Variants in ZNF415 observed in about 807,000 individuals in gnomAD.
ZNF415 encodes the protein zinc finger protein 415.
A neutral mutation model predicts 7.3 loss-of-function variants in ZNF415; 5 were observed. The ratio of observed to expected loss-of-function variants is 0.69; its 90% CI spans 0.36 to 1.44. ZNF415 has a LOEUF of 1.44. Among genes scored for constraint, ZNF415 ranks in the 40% most tolerant of loss-of-function variants. ZNF415 has a pLI of 0.04. For synonymous variants in ZNF415, 207 were observed against 226.3 expected (o/e 0.91, Z 0.77); for missense variants, 628 against 664.8 (o/e 0.94, Z 0.61).
chr19:53,129,593 G>C (rs1051055901), intron 1 of ZNF415: 12 of 399,996 alleles, frequency 3.0e-5, no homozygotes, highest in Non-Finnish European at 5.3e-5. Flanking sequence ...AGGTTTTCTG[G>C]TCTAGTCCCT....
In ZNF415 at chr19:53,115,993, G is replaced by A. The variant is rs185825631; in HGVS notation, c.136+320C>T. 462 of 625,800 alleles carry A rather than the reference G, an allele frequency of 7.4e-4. 4 individuals carry two copies. In the African/African-American group the frequency reaches 7.9e-3, roughly 11 times the overall value. 38.8% of individuals were successfully genotyped at this position (625,800 alleles called of 1,614,324 possible). A position where few individuals can be genotyped will look rare whatever the true frequency, so the allele number is the denominator to read the frequency against. On this transcript the variant is annotated intron_variant, in intron 3 of 3. Coordinates refer to ENST00000243643, the MANE Select transcript of ZNF415 (RefSeq NM_018355.4). Reference sequence around the variant, plus strand: ...GAATGCTTAGGGAAGACTGTAATATGCAAATATCTAGCTCCCTTCCAAGAA... The same window carrying A: ...GAATGCTTAGGGAAGACTGTAATATACAAATATCTAGCTCCCTTCCAAGAA...
At position 53,127,747 on chromosome 19, in the gene ZNF415, C is replaced by T. The variant is rs139247511; in HGVS notation, c.-67-5004G>A. 5.0e-3 allele frequency among the ~76,000 whole-genome samples: 757 copies of T among 151,856 alleles called. 4 individuals are homozygous for T. Among genetic ancestry groups the T allele is most frequent in the African/African-American group, 0.017 (722 of 41,396 alleles). On this transcript the variant is annotated intron_variant, in intron 1 of 3. Transcript: ENST00000243643. Reference sequence around the variant, plus strand: ...CAAAAATTAGCTGGGTGTGGTGGCGCGTGCCTGTAGCCCCAGCTACTCGGG... The same window carrying T: ...CAAAAATTAGCTGGGTGTGGTGGCGTGTGCCTGTAGCCCCAGCTACTCGGG...
rs546054050 is a variant in ZNF415, at chr19:53,114,235, G to A, written c.136+2078C>T. ...TCTGTTACTCAGGCTGTAGTGCAGCGGTGCCATCTCAGCTCACTGCAACCT... is the reference window on the plus strand; with the variant it reads ...TCTGTTACTCAGGCTGTAGTGCAGCAGTGCCATCTCAGCTCACTGCAACCT... On this transcript the variant is annotated intron_variant, in intron 3 of 3. Transcript: ENST00000243643. Among the ~76,000 whole-genome samples the A allele has an allele frequency of 2.5e-4, 38 of 152,156 alleles. No individual in the cohort carries two copies. The South Asian group carries it at 6.2e-3, about 25-fold the overall frequency.
In ZNF415 at chr19:53,109,123, C is replaced by A. The variant is rs765315373; in HGVS notation, c.922G>T (p.Val308Phe). Residue 308 changes from valine to phenylalanine, a missense_variant, in exon 4 of 4, where the codon GTC becomes TTC. Coordinates refer to ENST00000243643, the MANE Select transcript of ZNF415 (RefSeq NM_018355.4). ...KPYKCYECDKVFSRNSCLALH... is the reference protein window; with the variant it reads ...KPYKCYECDKFFSRNSCLALH... Reference sequence around the variant, plus strand: ...GCAAGGCATGAATTTCGACTGAAGACCTTGTCACACTCATAACATTTGTAA... The same window carrying A: ...GCAAGGCATGAATTTCGACTGAAGAACTTGTCACACTCATAACATTTGTAA... 2 of 1,613,882 alleles carry A rather than the reference C, an allele frequency of 1.2e-6. No individual in the cohort carries two copies. The highest frequency in any genetic ancestry group is 2.2e-5 in the South Asian group (2 of 91,090).
chr19:53,129,045 G>C (rs377295327), intron 1 of ZNF415, among the ~76,000 whole-genome samples: 4 of 152,222 alleles, frequency 2.6e-5, no homozygotes, highest in African/African-American at 9.6e-5. Flanking sequence ...ATTTCAGATG[G>C]GGGTGGGAGG....
At chr19:53,116,187 T>G in intron 3 of ZNF415, 126 bp downstream of exon 3, 1 of 1,145,106 alleles carries the variant, frequency 8.7e-7, no homozygotes, top group South Asian at 1.5e-5. Context: ...TTATGGAGCT[T>G]TTCATTTCAG....
chr19:53,132,524 C>CT (rs2090221421), intron 1 of ZNF415, among the ~76,000 whole-genome samples: 2 of 152,172 alleles, frequency 1.3e-5, no homozygotes, highest in Non-Finnish European at 2.9e-5. Flanking sequence ...GCTGCAGCTG[C>CT]GGCGCTGCGC....
chr19:53,108,254 G>T lies in ZNF415; in HGVS notation c.*123C>A. Reference sequence around the variant, plus strand: ...TCTCTCAAGAATGAAATTCTCTGATGCTGTGTAGGAGTGAATTGTGACTGA... The same window carrying T: ...TCTCTCAAGAATGAAATTCTCTGATTCTGTGTAGGAGTGAATTGTGACTGA... On this transcript the variant is annotated 3_prime_UTR_variant, in exon 4 of 4. Coordinates refer to ENST00000243643, the MANE Select transcript of ZNF415 (RefSeq NM_018355.4). 1.1e-6 allele frequency: 1 copy of T among 871,058 alleles called. No homozygotes were observed. The highest frequency in any genetic ancestry group is 1.7e-6 in the Non-Finnish European group (1 of 584,000). 54.0% of individuals were successfully genotyped at this position (871,058 alleles called of 1,614,324 possible). A position where few individuals can be genotyped will look rare whatever the true frequency, so the allele number is the denominator to read the frequency against.
chr19:53,121,405 C>T (rs922095028), intron 2 of ZNF415, among the ~76,000 whole-genome samples: 1 of 151,550 alleles, frequency 6.6e-6, no homozygotes, highest in African/African-American at 2.4e-5. Context: ...AAAAAAAGTC[C>T]TACAATTATA....
At chr19:53,127,339 C>T (rs1280631501) in intron 1 of ZNF415, among the ~76,000 whole-genome samples, 1 of 152,120 alleles carries the variant, frequency 6.6e-6, no homozygotes, top group Non-Finnish European at 1.5e-5. Flanking sequence ...TTTATAGAAG[C>T]CCGGCTACGA....
chr19:53,130,943 C>T (rs898157291), intron 1 of ZNF415, among the ~76,000 whole-genome samples: 3 of 152,108 alleles, frequency 2.0e-5, no homozygotes, highest in African/African-American at 7.2e-5. Context: ...CATGCCCAGC[C>T]TCAACACTTT....
intron 1 of ZNF415, among the ~76,000 whole-genome samples, chr19:53,130,066 CAAAAA>C (rs11314090): frequency 8.1e-6 from 1 of 123,454 alleles, no homozygotes. Context: ...CTCCAGCTCA[CAAAAA>C]AAAAAAAAAA....
At chr19:53,118,043 A>G (rs1168670933) in intron 2 of ZNF415, among the ~76,000 whole-genome samples, 2 of 152,170 alleles carry the variant, frequency 1.3e-5, no homozygotes, top group Non-Finnish European at 2.9e-5. Context: ...GTGTAACCCA[A>G]CTATATGCTA....
chr19:53,126,207 GA>G (rs2089067988), intron 1 of ZNF415, among the ~76,000 whole-genome samples: 1 of 151,404 alleles, frequency 6.6e-6, no homozygotes, highest in South Asian at 2.1e-4. Context: ...AGGACCAGCT[GA>G]GGGGCAGAGC....
intron 1 of ZNF415, among the ~76,000 whole-genome samples, chr19:53,131,733 C>T (rs185335418): frequency 2.6e-4 from 39 of 152,080 alleles, no homozygotes; most frequent in Admixed American, 2.4e-3. Context: ...GTATTTAATT[C>T]CTCTTTCTTC....
In ZNF415 at chr19:53,108,821, T is replaced by G; in HGVS notation, c.1224A>C (p.Gly408=). The G allele has an allele frequency of 6.2e-7, 1 of 1,614,072 alleles. No individual in the cohort carries two copies. Among genetic ancestry groups the G allele is most frequent in the Non-Finnish European group, 8.5e-7 (1 of 1,179,984 alleles). Reference sequence around the variant, plus strand: ...ATTCATTGCATTTGTAAGGTTTCTCTCCAGTATGAATTCTCCAATGCCTTG... The same window carrying G: ...ATTCATTGCATTTGTAAGGTTTCTCGCCAGTATGAATTCTCCAATGCCTTG... ...SLARHWRIHT[G]EKPYKCNECG... Residue 408 remains glycine (G), a synonymous_variant, in exon 4 of 4, where the codon GGA becomes GGC. Coordinates refer to ENST00000243643, the MANE Select transcript of ZNF415 (RefSeq NM_018355.4).
chr19:53,112,164 G>A (rs933173030), intron 3 of ZNF415, among the ~76,000 whole-genome samples: 1 of 152,100 alleles, frequency 6.6e-6, no homozygotes, highest in Non-Finnish European at 1.5e-5. Flanking sequence ...GGCTGGTTTC[G>A]AACTCCTGAC....
At chr19:53,131,356 T>C (rs1035715079) in intron 1 of ZNF415, among the ~76,000 whole-genome samples, 3 of 152,138 alleles carry the variant, frequency 2.0e-5, no homozygotes, top group African/African-American at 7.2e-5. Context: ...GGATTGCAAG[T>C]GGAAGCTAAC....
At chr19:53,119,018 C>T (rs1405845055) in intron 2 of ZNF415, among the ~76,000 whole-genome samples, 6 of 151,432 alleles carry the variant, frequency 4.0e-5, no homozygotes, top group Admixed American at 6.6e-5. Flanking sequence ...CAGTGGCTCA[C>T]GCCTGTAGTC....
Sources: allele counts gnomAD v4.1 joint callset (sites outside exome capture counted in the v4.1 genomes callset), GRCh38; gene constraint gnomAD v4.1.1; transcripts MANE v1.5; gene names NCBI Gene and HGNC (gene_info 2026-07-23, HGNC 2026-07-21).